Variants in APOBEC3C observed in about 807,000 individuals in gnomAD.
The protein encoded by APOBEC3C is apolipoprotein B mRNA editing enzyme catalytic subunit 3C.
APOBEC3C carries 14 observed loss-of-function variants against 20.6 expected under a neutral mutation model. The ratio of observed to expected loss-of-function variants is 0.68; its 90% CI spans 0.45 to 1.06. The LOEUF (loss-of-function observed/expected upper bound fraction) is 1.06. Among genes scored for constraint, APOBEC3C ranks in the 50% least tolerant of loss-of-function variants. The probability of loss-of-function intolerance (pLI) is 0.00; values close to 1 mark genes in which losing one functional copy is unlikely to be tolerated. For synonymous variants in APOBEC3C, 98 were observed against 88.8 expected (o/e 1.10, Z -0.58); for missense variants, 244 against 241.9 (o/e 1.01, Z -0.06).
intron 3 of APOBEC3C, 78 bp from the exon 4 acceptor site, chr22:39,018,191 C>T: frequency 6.4e-7 from 1 of 1,573,502 alleles, no homozygotes; most frequent in Non-Finnish European, 8.6e-7. Flanking sequence ...GCCTGGATAC[C>T]TGGGCTGGGA....
At position 39,019,531 on chromosome 22, in the gene APOBEC3C, G is replaced by A. The variant is rs928168195; in HGVS notation, c.*1144G>A. The A allele has an allele frequency of 6.6e-6, 1 of 152,222 alleles. No individual in the cohort carries two copies. Among genetic ancestry groups the A allele is most frequent in the Admixed American group, 6.5e-5 (1 of 15,286 alleles). 9.4% of individuals were successfully genotyped at this position (152,222 alleles called of 1,614,324 possible). A position where few individuals can be genotyped will look rare whatever the true frequency, so the allele number is the denominator to read the frequency against. On this transcript the variant is annotated 3_prime_UTR_variant, in exon 4 of 4. Coordinates refer to ENST00000361441, the MANE Select transcript of APOBEC3C (RefSeq NM_014508.3). ...TTGATTTGACATTTTCAAAGCAGATGTAAGTTTTAGAGAATGAGATTCTCC... is the reference window on the plus strand; with the variant it reads ...TTGATTTGACATTTTCAAAGCAGATATAAGTTTTAGAGAATGAGATTCTCC...
chr22:39,016,381 C>CTTT (rs575173801), intron 2 of APOBEC3C, among the ~76,000 whole-genome samples: 6,335 of 122,784 alleles, frequency 0.052, 617 homozygotes, highest in African/African-American at 0.19. Context: ...TTCTTTTTTT[C>CTTT]TTTTTTTTTT....
rs1171838910 is a variant in APOBEC3C, at chr22:39,019,017, C to T, written c.*630C>T. 6.6e-6 allele frequency: 1 copy of T among 151,986 alleles called. No homozygotes were observed. The highest frequency in any genetic ancestry group is 1.5e-5 in the Non-Finnish European group (1 of 68,038). The allele number at this position is 151,986 out of a possible 1,614,324, so 9.4% of individuals were successfully genotyped here. ...AAAATAAATCGATAAATAAACTCAA[C>T]CTAAACAGGTGTGAATATATGTAAG... is the stretch of plus-strand genomic sequence containing the variant. On this transcript the variant is annotated 3_prime_UTR_variant, in exon 4 of 4. Coordinates refer to ENST00000361441, the MANE Select transcript of APOBEC3C (RefSeq NM_014508.3).
rs761662280 is a variant in APOBEC3C, at chr22:39,018,257, G to GT, written c.455-6dup. 7.9e-5 allele frequency: 128 copies of GT among 1,612,182 alleles called. No individual in the cohort carries two copies. The South Asian group carries it at 1.3e-3, about 16-fold the overall frequency. On this transcript the variant is annotated splice_polypyrimidine_tract_variant and intron_variant, in intron 3 of 3. Transcript: ENST00000361441. ...GCTGGGCCCTCACTGTTTTCTCCTT[G>GT]TTTTTTCTCAGATTTTAAATATTGT...
At position 39,014,474 on chromosome 22, in the gene APOBEC3C, C is replaced by T. The variant is rs1282074045; in HGVS notation, c.17+95C>T. 8 of 1,515,162 alleles carry T rather than the reference C, an allele frequency of 5.3e-6. No individual in the cohort carries two copies. The African/African-American group carries it at 5.5e-5, about 10-fold the overall frequency. 93.9% of individuals were successfully genotyped at this position (1,515,162 alleles called of 1,614,324 possible). On this transcript the variant is annotated intron_variant, in intron 1 of 3. Transcript: ENST00000361441. The stretch of plus-strand genomic sequence containing the variant: ...GCCCTGGCCTCCCCCTGCCCCAGCC[C>T]CACCTCTGGGCTCCCTCCCCCCTGG...
intron 1 of APOBEC3C, among the ~76,000 whole-genome samples, chr22:39,014,939 G>A (rs2281106): frequency 0.034 from 5,229 of 152,040 alleles, 133 homozygotes; most frequent in Middle Eastern, 0.071. Flanking sequence ...TGTGAGCACC[G>A]TTCACCTTTC....
intron 2 of APOBEC3C, among the ~76,000 whole-genome samples, chr22:39,016,809 A>T (rs1053500049): frequency 6.6e-6 from 1 of 152,338 alleles, no homozygotes; most frequent in East Asian, 1.9e-4. Flanking sequence ...GCAGGCAGGG[A>T]ACAAAGCTGA....
intron 1 of APOBEC3C, 62 bp from the exon 2 acceptor site, chr22:39,015,533 A>C: frequency 1.3e-6 from 2 of 1,567,286 alleles, no homozygotes; most frequent in Admixed American, 3.6e-5. Flanking sequence ...TTCAGTGGGC[A>C]TCAGCCCTGA....
At chr22:39,014,761 C>G (rs964152530) in intron 1 of APOBEC3C, among the ~76,000 whole-genome samples, 1 of 152,112 alleles carries the variant, frequency 6.6e-6, no homozygotes, top group African/African-American at 2.4e-5. Context: ...TTGTTCTCAG[C>G]GCTTTGGTGC....
At chr22:39,015,784 G>C (rs1924759511) in intron 2 of APOBEC3C, 33 bp downstream of exon 2, 1 of 1,593,130 alleles carries the variant, frequency 6.3e-7, no homozygotes, top group African/African-American at 1.4e-5. Flanking sequence ...ACCCTAAATA[G>C]GAGCTAAGCA....
In APOBEC3C at chr22:39,018,978, A is replaced by C. The variant is rs1364393271; in HGVS notation, c.*591A>C. 2 of 152,292 alleles carry C rather than the reference A, an allele frequency of 1.3e-5. No individual in the cohort carries two copies. Among genetic ancestry groups the C allele is most frequent in the African/African-American group, 4.8e-5 (2 of 41,438 alleles). The allele number at this position is 152,292 out of a possible 1,614,324, so 9.4% of individuals were successfully genotyped here. On this transcript the variant is annotated 3_prime_UTR_variant, in exon 4 of 4. Transcript: ENST00000361441. The stretch of plus-strand genomic sequence containing the variant: ...CTGAACTCGGGTCTGGGCAACAGAT[A>C]GAGACCCTGCCTGAAAATAAATCGA...
In APOBEC3C at chr22:39,014,449, GC is replaced by G. The variant is rs1375637026; in HGVS notation, c.17+73del. 6.2e-6 allele frequency: 10 copies of G among 1,604,568 alleles called. No individual in the cohort carries two copies. In the African/African-American group the frequency reaches 1.3e-4, roughly 21 times the overall value. ...TGCCAGGCGGTCCTGCTGGGCCTCA[GC>G]CCTGGCCTCCCCCTGCCCCAGCCCC... On this transcript the variant is annotated intron_variant, in intron 1 of 3. Coordinates refer to ENST00000361441, the MANE Select transcript of APOBEC3C (RefSeq NM_014508.3).
chr22:39,015,679 G>T lies in APOBEC3C; in HGVS notation c.102G>T (p.Trp34Cys). ...LWEANDRNET[W>C]LCFTVEGIKR... ...AAGCCAACGATCGGAACGAAACTTG[G>T]CTGTGCTTCACCGTGGAAGGTATAA... The change falls in exon 2 of 4, where the codon TGG (tryptophan) becomes TGT (cysteine). Residue 34 changes from tryptophan to cysteine, a missense_variant. By Grantham distance (215) the Trp-to-Cys change is radical. Coordinates refer to ENST00000361441, the MANE Select transcript of APOBEC3C (RefSeq NM_014508.3). 1 of 1,614,084 alleles carries T rather than the reference G, an allele frequency of 6.2e-7. No individual in the cohort carries two copies. Among genetic ancestry groups the T allele is most frequent in the Non-Finnish European group, 8.5e-7 (1 of 1,180,014 alleles).
rs772415284 is a variant in APOBEC3C, at chr22:39,017,823, G to C, written c.232G>C (p.Asp78His). ...GTGCTTCCTCTCTTGGTTCTGCGAC[G>C]ACATACTGTCTCCTAACACAAAGTA... ...ERCFLSWFCD[D>H]ILSPNTKYQV... Residue 78 changes from aspartate to histidine, a missense_variant, in exon 3 of 4, where the codon GAC becomes CAC. Physicochemically the swap from Asp to His is moderately conservative, Grantham distance 81. Transcript: ENST00000361441. The C allele has an allele frequency of 6.2e-7, 1 of 1,613,998 alleles. No homozygotes were observed.
chr22:39,015,224 G>T (rs528653838), intron 1 of APOBEC3C, among the ~76,000 whole-genome samples: 1 of 151,872 alleles, frequency 6.6e-6, no homozygotes, highest in Non-Finnish European at 1.5e-5. Context: ...CCTTGAACCC[G>T]AGGGGTGGAG....
intron 1 of APOBEC3C, among the ~76,000 whole-genome samples, chr22:39,014,931 T>C (rs925856922): frequency 3.9e-5 from 6 of 152,292 alleles, no homozygotes; most frequent in Admixed American, 3.3e-4. Context: ...TCCTCCTCTG[T>C]GAGCACCGTT....
intron 2 of APOBEC3C, among the ~76,000 whole-genome samples, chr22:39,016,949 C>A (rs1383904611): frequency 6.6e-6 from 1 of 152,158 alleles, no homozygotes; most frequent in Non-Finnish European, 1.5e-5. Flanking sequence ...AAGGAAGGGG[C>A]CGGGCACGGC....
chr22:39,018,562 C>A lies in APOBEC3C; in HGVS notation c.*175C>A. 2 of 704,700 alleles carry A rather than the reference C, an allele frequency of 2.8e-6. No homozygotes were observed. The highest frequency in any genetic ancestry group is 5.8e-5 in the Admixed American group (2 of 34,466). 43.7% of individuals were successfully genotyped at this position (704,700 alleles called of 1,614,324 possible). A position where few individuals can be genotyped will look rare whatever the true frequency, so the allele number is the denominator to read the frequency against. ...ACCGCTTCCTCCTCGCTCTTCCAGA[C>A]TCTTCCTGCAGAGGCTCCTTTCTGC... is the stretch of plus-strand genomic sequence containing the variant. On this transcript the variant is annotated 3_prime_UTR_variant, in exon 4 of 4. Transcript: ENST00000361441.
intron 1 of APOBEC3C, among the ~76,000 whole-genome samples, chr22:39,014,869 AAGATGC>A (rs1924726111): frequency 6.6e-6 from 1 of 152,126 alleles, no homozygotes; most frequent in African/African-American, 2.4e-5. Context: ...ACTTCTTCCA[AAGATGC>A]CTCCACTGTG....
Sources: gnomAD v4.1 joint callset for allele counts (sites outside exome capture counted in the v4.1 genomes callset) on GRCh38, gnomAD v4.1.1 for gene constraint, MANE v1.5 for transcripts, NCBI Gene and HGNC (gene_info 2026-07-23, HGNC 2026-07-21) for gene names.